The following ABLIM1 variants were observed in gnomAD, a reference collection of about 807,000 sequenced individuals.
ABLIM1 encodes the protein actin-binding LIM protein 1.
Under a neutral mutation model 107.0 loss-of-function variants are expected in ABLIM1, and 40 were observed. The ratio of observed to expected loss-of-function variants is 0.37; its 90% confidence interval spans 0.29 to 0.49. The LOEUF (loss-of-function observed/expected upper bound fraction) is 0.49, where lower values mean the gene tolerates loss of function less well. Among genes scored for constraint, ABLIM1 ranks in the 20% least tolerant of loss-of-function variants. ABLIM1 has a pLI of 0.97. For synonymous variants in ABLIM1, 357 were observed against 357.3 expected, an observed-to-expected ratio of 1.00 and a Z score of 0.01; for missense variants, 857 against 1,008.5, an observed-to-expected ratio of 0.85 and a Z score of 2.04.
At chr10:114,729,207 C>A (rs74717360) in intron 1 of ABLIM1, among the ~76,000 whole-genome samples, 1,528 of 152,034 alleles carry the variant, frequency 0.01, 36 homozygotes, top group African/African-American at 0.034. Context: ...AAGATATGAC[C>A]CAGAAGGACT....
rs555747985 is a variant in ABLIM1 at position 114,732,957 on chromosome 10, T to C, written c.-213+35104A>G. 5.3e-5 allele frequency among the ~76,000 whole-genome samples: 8 copies of C among 152,322 alleles called. No homozygotes were observed. In the East Asian group the frequency reaches 1.5e-3, roughly 29 times the overall value. On this transcript the variant is annotated intron_variant, in intron 1 of 15. Transcript: ENST00000651092. ...ATATAAACCTCATTTAATGTTCAGATTCTCTCATCTATATTATTATGTCCA... is the reference window on the plus strand; with the variant it reads ...ATATAAACCTCATTTAATGTTCAGACTCTCTCATCTATATTATTATGTCCA...
chr10:114,673,338 TA>T (rs1296137860), intron 1 of ABLIM1, among the ~76,000 whole-genome samples: 5 of 152,210 alleles, frequency 3.3e-5, no homozygotes, highest in African/African-American at 1.2e-4. Flanking sequence ...AATCATTTTT[TA>T]TAATAGTTAA....
chr10:114,648,509 T>C (rs2079099370), intron 1 of ABLIM1, among the ~76,000 whole-genome samples: 1 of 152,180 alleles, frequency 6.6e-6, no homozygotes, highest in African/African-American at 2.4e-5. Flanking sequence ...AGATAAGTCG[T>C]TGCCAGCAGC....
chr10:114,490,812 A>AT (rs979204729), intron 7 of ABLIM1, among the ~76,000 whole-genome samples: 9 of 149,428 alleles, frequency 6.0e-5, no homozygotes, highest in African/African-American at 1.2e-4. Context: ...ATGTATGCTT[A>AT]TTTTTTTTGT....
At chr10:114,466,073 C>T (rs1401916038) in intron 11 of ABLIM1, among the ~76,000 whole-genome samples, 2 of 152,180 alleles carry the variant, frequency 1.3e-5, no homozygotes, top group South Asian at 2.1e-4. Context: ...GGTGTGGTGG[C>T]TCACACCTGT....
chr10:114,688,247 T>G (rs1304980756), upstream of ABLIM1, among the ~76,000 whole-genome samples: 1 of 152,238 alleles, frequency 6.6e-6, no homozygotes, highest in East Asian at 1.9e-4. Context: ...TTTTTGTGAC[T>G]GGAAATGAAA....
upstream of ABLIM1, among the ~76,000 whole-genome samples, chr10:114,771,854 C>T (rs78714529): frequency 0.032 from 4,910 of 152,166 alleles, 107 homozygotes; most frequent in Middle Eastern, 0.048. Flanking sequence ...AAAAGAGGTT[C>T]CTATTTGACT....
At chr10:114,721,769 T>C (rs1257723538) in intron 1 of ABLIM1, among the ~76,000 whole-genome samples, 1 of 152,144 alleles carries the variant, frequency 6.6e-6, no homozygotes, top group Non-Finnish European at 1.5e-5. Context: ...ATTACAGGAA[T>C]GAGCTACCAC....
At position 114,730,337 on chromosome 10, in the gene ABLIM1, G is replaced by A. The variant is rs545870713; in HGVS notation, c.-213+37724C>T. The stretch of plus-strand genomic sequence containing the variant: ...CGCTTGAACCTAAGAAGCAGAGGTT[G>A]CAGTGAGCCGAGATCGTGCCACTGC... On this transcript the variant is annotated intron_variant, in intron 1 of 15. Transcript: ENST00000651092. Among the ~76,000 whole-genome samples, 251 of 149,438 alleles carry A rather than the reference G, an allele frequency of 1.7e-3. 2 individuals are homozygous for A. Among genetic ancestry groups the A allele is most frequent in the African/African-American group, 5.9e-3 (236 of 40,142 alleles).
At chr10:114,541,995 A>G (rs946098958) in intron 6 of ABLIM1, among the ~76,000 whole-genome samples, 1 of 152,166 alleles carries the variant, frequency 6.6e-6, no homozygotes, top group African/African-American at 2.4e-5. Flanking sequence ...ACACAGCTCC[A>G]CATGTGGACT....
intron 10 of ABLIM1, among the ~76,000 whole-genome samples, chr10:114,470,846 T>C (rs1243270471): frequency 6.6e-6 from 1 of 151,378 alleles, no homozygotes; most frequent in African/African-American, 2.5e-5. Flanking sequence ...GTCTGGTTTT[T>C]CTTTTTTTCT....
At chr10:114,672,724 C>T (rs1403107250) in intron 1 of ABLIM1, among the ~76,000 whole-genome samples, 2 of 152,190 alleles carry the variant, frequency 1.3e-5, no homozygotes, top group Non-Finnish European at 2.9e-5. Flanking sequence ...TGAAGGTATT[C>T]TATGCTTTAT....
At chr10:114,718,528 G>T (rs999504120) in intron 1 of ABLIM1, among the ~76,000 whole-genome samples, 1 of 152,176 alleles carries the variant, frequency 6.6e-6, no homozygotes, top group South Asian at 2.1e-4. Flanking sequence ...TTCAGGCGGG[G>T]TGATTAATTA....
intron 1 of ABLIM1, among the ~76,000 whole-genome samples, chr10:114,646,072 A>C (rs556576764): frequency 3.0e-4 from 45 of 152,228 alleles, no homozygotes; most frequent in Admixed American, 1.0e-3. Flanking sequence ...CCTTTCTCTC[A>C]CTATCTCTAG....
chr10:114,542,925 C>G (rs1328060318), intron 6 of ABLIM1, among the ~76,000 whole-genome samples: 1 of 152,166 alleles, frequency 6.6e-6, no homozygotes, highest in Non-Finnish European at 1.5e-5. Flanking sequence ...GCTTCTTTCT[C>G]CCTGGTCAAG....
intron 1 of ABLIM1, among the ~76,000 whole-genome samples, chr10:114,615,050 C>CAA (rs35393607): frequency 0.017 from 2,301 of 136,716 alleles, 36 homozygotes; most frequent in African/African-American, 0.044. Flanking sequence ...AACTCTGTCT[C>CAA]AAAAAAAAAA....
chr10:114,643,513 T>C (rs1473229813), intron 1 of ABLIM1, among the ~76,000 whole-genome samples: 1 of 152,094 alleles, frequency 6.6e-6, no homozygotes, highest in African/African-American at 2.4e-5. Flanking sequence ...GGCAAATATA[T>C]CTTCAGGATT....
intron 1 of ABLIM1, among the ~76,000 whole-genome samples, chr10:114,726,179 T>TTTG (rs1555229003): frequency 0.21 from 31,727 of 151,804 alleles, 4,504 homozygotes; most frequent in African/African-American, 0.4. Flanking sequence ...GGTTTAGAAA[T>TTTG]TTGTTGTTGT....
At chr10:114,487,502 C>T (rs1002173574) in intron 8 of ABLIM1, among the ~76,000 whole-genome samples, 1 of 152,218 alleles carries the variant, frequency 6.6e-6, no homozygotes, top group African/African-American at 2.4e-5. Context: ...TTTTATCTGA[C>T]AAGCCATCAG....
Sources: gnomAD v4.1 joint callset for allele counts (sites outside exome capture counted in the v4.1 genomes callset) on GRCh38, gnomAD v4.1.1 for gene constraint, MANE v1.5 for transcripts, NCBI Gene and HGNC (gene_info 2026-07-23, HGNC 2026-07-21) for gene names.